P2RY12: variants seen among roughly 807,000 people sequenced by gnomAD.
P2RY12 encodes the protein P2Y purinoceptor 12.
In P2RY12, 3 loss-of-function variants were observed where a neutral mutation model predicts 4.5. The ratio of observed to expected loss-of-function variants is 0.67; its 90% CI spans 0.31 to 1.74. P2RY12 has a LOEUF of 1.74. Ranked by LOEUF, P2RY12 falls within the 40% of genes most tolerant of loss-of-function variation. The pLI is 0.09. For synonymous variants in P2RY12, 148 were observed against 154.1 expected, an observed-to-expected ratio of 0.96 and a Z score of 0.29; for missense variants, 356 against 407.8, an observed-to-expected ratio of 0.87 and a Z score of 1.09.
chr3:151,382,567 G>A, intron 1 of P2RY12: 2 of 720,396 alleles, frequency 2.8e-6, no homozygotes, highest in South Asian at 2.4e-5. Context: ...AAGATAAGAA[G>A]TGGTTTTTTG....
At position 151,337,239 on chromosome 3, in the gene P2RY12, A is replaced by C. The variant is rs2149922686; in HGVS notation, c.*578T>G. 6.6e-6 allele frequency: 1 copy of C among 152,246 alleles called. No homozygotes were observed. The highest frequency in any genetic ancestry group is 1.9e-4 in the East Asian group (1 of 5,198). 9.4% of individuals were successfully genotyped at this position (152,246 alleles called of 1,614,324 possible). A position where few individuals can be genotyped will look rare whatever the true frequency, so the allele number is the denominator to read the frequency against. ...TCTTCTAAATAAACATAAAAAATTA[A>C]GTCCAATCAAATACAGTTTCAATTA... On this transcript the variant is annotated 3_prime_UTR_variant, in exon 3 of 3. Coordinates refer to ENST00000302632, the MANE Select transcript of P2RY12 (RefSeq NM_022788.5).
intron 1 of P2RY12, chr3:151,380,108 T>TGTA (rs1185420090): frequency 6.5e-7 from 1 of 1,542,320 alleles, no homozygotes; most frequent in Non-Finnish European, 8.8e-7. Context: ...TTACTTCCTT[T>TGTA]GTAGTATGTC....
intron 1 of P2RY12, among the ~76,000 whole-genome samples, chr3:151,351,528 C>T (rs1753238381): frequency 6.6e-6 from 1 of 152,008 alleles, no homozygotes; most frequent in African/African-American, 2.4e-5. Context: ...AGAAAGTGCT[C>T]TGTCTAAGAA....
intron 1 of P2RY12, chr3:151,383,828 A>G: frequency 1.2e-6 from 2 of 1,614,084 alleles, no homozygotes; most frequent in Non-Finnish European, 1.7e-6. Context: ...TGGACTACAG[A>G]CTGGGCCCTG....
chr3:151,383,795 A>G, intron 1 of P2RY12: 1 of 1,612,390 alleles, frequency 6.2e-7, no homozygotes, highest in Non-Finnish European at 8.5e-7. Context: ...GGAATGTTTG[A>G]CACGGTGCAG....
chr3:151,345,052 C>G (rs1476075278), intron 1 of P2RY12, among the ~76,000 whole-genome samples: 3 of 152,204 alleles, frequency 2.0e-5, no homozygotes, highest in African/African-American at 7.2e-5. Context: ...TGTAGTACAA[C>G]AAGCCTGCCA....
intron 1 of P2RY12, among the ~76,000 whole-genome samples, chr3:151,360,261 G>C (rs932462181): frequency 6.6e-6 from 1 of 152,100 alleles, no homozygotes; most frequent in Non-Finnish European, 1.5e-5. Flanking sequence ...CTTGTCATCA[G>C]TGACATTTCT....
intron 1 of P2RY12, among the ~76,000 whole-genome samples, chr3:151,354,270 G>A (rs1753652829): frequency 6.6e-6 from 1 of 151,784 alleles, no homozygotes; most frequent in Admixed American, 6.6e-5. Context: ...TTAAAAGCAG[G>A]ATTGAAGCTA....
At chr3:151,369,039 G>A (rs1460199423) in intron 1 of P2RY12, among the ~76,000 whole-genome samples, 4 of 152,090 alleles carry the variant, frequency 2.6e-5, no homozygotes, top group South Asian at 2.1e-4. Context: ...GGGATTACAG[G>A]CGTGAGCCAC....
At chr3:151,363,783 A>G (rs1303860689) in intron 1 of P2RY12, among the ~76,000 whole-genome samples, 1 of 152,170 alleles carries the variant, frequency 6.6e-6, no homozygotes, top group Non-Finnish European at 1.5e-5. Context: ...ATACACCCAC[A>G]GTGGAGGCCC....
At chr3:151,376,725 G>A (rs1756902459) in intron 1 of P2RY12, 3 of 1,175,082 alleles carry the variant, frequency 2.6e-6, no homozygotes, top group Non-Finnish European at 3.8e-6. Context: ...CTTGAGAGAA[G>A]GAGTACTGTA....
chr3:151,350,164 A>C (rs1753043314), intron 1 of P2RY12: 1 of 1,613,774 alleles, frequency 6.2e-7, no homozygotes. Flanking sequence ...TACCAAAGAT[A>C]TCCTGAAAAT....
intron 1 of P2RY12, among the ~76,000 whole-genome samples, chr3:151,356,568 A>G (rs939605556): frequency 9.2e-5 from 14 of 152,084 alleles, no homozygotes; most frequent in Non-Finnish European, 1.6e-4. Flanking sequence ...AATAATTATC[A>G]TTGGTGCCAA....
At chr3:151,368,705 ATTTCATT>A in intron 1 of P2RY12, among the ~76,000 whole-genome samples, 1 of 32,134 alleles carries the variant, frequency 3.1e-5, no homozygotes, top group Non-Finnish European at 6.8e-5. Context: ...ATTTCATTTC[ATTTCATT>A]TCATTTCATT....
intron 1 of P2RY12, among the ~76,000 whole-genome samples, chr3:151,369,024 G>T (rs144800099): frequency 0.024 from 3,598 of 152,136 alleles, 133 homozygotes; most frequent in African/African-American, 0.082. Flanking sequence ...GCCTCCCAAA[G>T]TGCTGGGATT....
chr3:151,383,976 A>T, intron 1 of P2RY12: 1 of 1,480,154 alleles, frequency 6.8e-7, no homozygotes, highest in Non-Finnish European at 9.3e-7. Context: ...GCCACATCTT[A>T]TTTACTTGGA....
rs151313221 is a variant in P2RY12, at chr3:151,356,015, C to T, written c.-179-15255G>A. On this transcript the variant is annotated intron_variant, in intron 1 of 2. Coordinates refer to ENST00000302632, the MANE Select transcript of P2RY12 (RefSeq NM_022788.5). ...TCATGGAGCCAGCACTGAACATCAA[C>T]GGACTAATTGACTTCGCAATACAGG... is the stretch of plus-strand genomic sequence containing the variant. 98 of 1,612,910 alleles carry T rather than the reference C, an allele frequency of 6.1e-5. No homozygotes were observed. In the African/African-American group the frequency reaches 7.2e-4, roughly 12 times the overall value.
intron 1 of P2RY12, chr3:151,380,027 A>T: frequency 3.7e-6 from 3 of 817,304 alleles, no homozygotes; most frequent in Non-Finnish European, 5.8e-6. Flanking sequence ...TATTTATCTA[A>T]TAGTGAGGCA....
intron 1 of P2RY12, among the ~76,000 whole-genome samples, chr3:151,363,375 A>G (rs569614841): frequency 6.6e-6 from 1 of 152,306 alleles, no homozygotes; most frequent in Non-Finnish European, 1.5e-5. Flanking sequence ...ACCACCATTC[A>G]TAAAGTTGTG....
Sources: allele counts gnomAD v4.1 joint callset (sites outside exome capture counted in the v4.1 genomes callset), GRCh38; gene constraint gnomAD v4.1.1; transcripts MANE v1.5; gene names NCBI Gene and HGNC (gene_info 2026-07-23, HGNC 2026-07-21).